The following PCBP3 variants were observed in gnomAD, a reference collection of about 807,000 sequenced individuals.
The protein encoded by PCBP3 is poly(rC) binding protein 3.
Under a neutral mutation model 52.7 loss-of-function variants are expected in PCBP3, and 25 were observed. The ratio of observed to expected loss-of-function variants is 0.47; its 90% CI spans 0.35 to 0.66. The LOEUF is 0.66. PCBP3 is among the 30% of genes least tolerant of loss of function. PCBP3 has a pLI of 0.01. For missense variants in PCBP3, 391 were observed against 490.3 expected (o/e 0.80, Z 1.91); for synonymous variants, 162 against 183.0 (o/e 0.89, Z 0.93).
intron 8 of PCBP3, 45 bp from the exon 9 acceptor site, chr21:45,900,952 A>G: frequency 1.4e-6 from 2 of 1,433,602 alleles, no homozygotes; most frequent in East Asian, 2.3e-5. Flanking sequence ...CCACTGGCCC[A>G]AGGGTTTTAA....
chr21:45,854,611 C>T (rs1018003176), intron 5 of PCBP3, among the ~76,000 whole-genome samples: 18 of 152,182 alleles, frequency 1.2e-4, no homozygotes, highest in Admixed American at 8.5e-4. Flanking sequence ...GAAAGCTGAC[C>T]GATATCCTGT....
Position 45,941,717 on chromosome 21 carries a change from C to T in PCBP3, c.*11C>T, listed in dbSNP as rs1476386628. The T allele has an allele frequency of 1.9e-6, 3 of 1,599,966 alleles. No homozygotes were observed. In the South Asian group the frequency reaches 3.4e-5, roughly 18 times the overall value. On this transcript the variant is annotated 3_prime_UTR_variant, in exon 18 of 18. Transcript: ENST00000681687. ...ATGGGCACGCTGTAATCCTACCCAGCACCCTTCCCCCGCGTCACCCACCTG... is the reference window on the plus strand; with the variant it reads ...ATGGGCACGCTGTAATCCTACCCAGTACCCTTCCCCCGCGTCACCCACCTG...
At chr21:45,854,801 T>C (rs2094203880) in intron 5 of PCBP3, among the ~76,000 whole-genome samples, 1 of 152,220 alleles carries the variant, frequency 6.6e-6, no homozygotes, top group Non-Finnish European at 1.5e-5. Context: ...TGCTCTTTGA[T>C]GAGACTGAAA....
At chr21:45,726,221 C>G (rs568619218) in intron 2 of PCBP3, among the ~76,000 whole-genome samples, 1 of 152,204 alleles carries the variant, frequency 6.6e-6, no homozygotes, top group African/African-American at 2.4e-5. Context: ...TGGTCTTGGA[C>G]TTCAGGTAAC....
chr21:45,901,030 T>C lies in PCBP3; in HGVS notation c.256T>C (p.Cys86Arg), dbSNP rs749078948. 4 of 1,613,822 alleles carry C rather than the reference T, an allele frequency of 2.5e-6. No individual in the cohort carries two copies. The highest frequency in any genetic ancestry group is 3.4e-6 in the Non-Finnish European group (4 of 1,179,844). ...GARINISEGN[C>R]PERIVTITGP... The stretch of plus-strand genomic sequence containing the variant: ...AAGGATCAACATCTCAGAGGGAAAC[T>C]GCCCAGAGAGGATTGTGACCATCAC... The change falls in exon 9 of 18, where the codon TGC becomes CGC. Residue 86 changes from cysteine (C) to arginine (R), a missense_variant. Transcript: ENST00000681687.
intron 16 of PCBP3, among the ~76,000 whole-genome samples, chr21:45,937,122 G>A (rs76405361): frequency 0.057 from 8,638 of 152,288 alleles, 673 homozygotes; most frequent in African/African-American, 0.18. Context: ...TAAAATGGGC[G>A]TGCTTGTTCT....
In PCBP3 at chr21:45,661,906, C is replaced by G. The variant is rs180913771; in HGVS notation, c.-278-6968C>G. On this transcript the variant is annotated intron_variant, in intron 1 of 17. Transcript: ENST00000681687. ...CTCTGGTGATTAGTGATGTTGAGCA[C>G]TTTTTCAAATGTTTTTTGGCCATTT... 2.6e-4 allele frequency among the ~76,000 whole-genome samples: 40 copies of G among 152,234 alleles called. 1 individual carries two copies. Among genetic ancestry groups the G allele is most frequent in the Admixed American group, 2.2e-3 (34 of 15,288 alleles).
Position 45,788,221 on chromosome 21 carries a change from G to A in PCBP3, c.-126+32769G>A, listed in dbSNP as rs1360978810. 1 of 152,636 alleles carries A rather than the reference G, an allele frequency of 6.6e-6. No homozygotes were observed. The highest frequency in any genetic ancestry group is 1.5e-5 in the Non-Finnish European group (1 of 68,366). The allele number at this position is 152,636 out of a possible 1,614,324, so 9.5% of individuals were successfully genotyped here. On this transcript the variant is annotated intron_variant, in intron 4 of 17. Coordinates refer to ENST00000681687, the MANE Select transcript of PCBP3 (RefSeq NM_001384156.1). This position sits in a 1 kb window ranked among gnomAD's most constrained non-coding sequence, Gnocchi z 4.3. The stretch of plus-strand genomic sequence containing the variant: ...GTGAGGGATGGGGAGGGTCACGCAG[G>A]GTGTGGGCGGCGTGCCTGGCATGGG...
At chr21:45,877,436 AAAG>A (rs1158240940) in intron 5 of PCBP3, among the ~76,000 whole-genome samples, 1 of 152,244 alleles carries the variant, frequency 6.6e-6, no homozygotes, top group African/African-American at 2.4e-5. Context: ...TTTTTTAAAA[AAAG>A]AGTAACTGGC....
intron 5 of PCBP3, among the ~76,000 whole-genome samples, chr21:45,862,335 G>T (rs2094543373): frequency 6.6e-6 from 1 of 151,976 alleles, no homozygotes. Context: ...CAATACCGTG[G>T]GGAATCTGCT....
chr21:45,832,483 A>C (rs575585805), intron 4 of PCBP3: 80 of 152,344 alleles, frequency 5.3e-4, no homozygotes, highest in African/African-American at 1.8e-3. Context: ...TCACTCTGCC[A>C]AACGCCTCTG....
rs973535775 is a variant in PCBP3 at position 45,755,429 on chromosome 21, G to T, written c.-149G>T. Among the ~76,000 whole-genome samples, 1 of 152,150 alleles carries T rather than the reference G, an allele frequency of 6.6e-6. No individual in the cohort carries two copies. The highest frequency in any genetic ancestry group is 2.4e-5 in the African/African-American group (1 of 41,424). On this transcript the variant is annotated 5_prime_UTR_variant, in exon 4 of 18. Transcript: ENST00000681687. ...TCATTTTTCATAGGTAAATACCTAG[G>T]AGTGGGCTTTTCTAGATCACATGGT...
At chr21:45,792,168 C>G (rs1205249305) in intron 4 of PCBP3, among the ~76,000 whole-genome samples, 2 of 152,284 alleles carry the variant, frequency 1.3e-5, no homozygotes. Context: ...ATTAATCTTA[C>G]CAACTAGAAC....
In PCBP3 at chr21:45,656,323, A is replaced by C. The variant is rs1396093617; in HGVS notation, c.-279+12455A>C. Among the ~76,000 whole-genome samples, 2 of 152,236 alleles carry C rather than the reference A, an allele frequency of 1.3e-5. No homozygotes were observed. Among genetic ancestry groups the C allele is most frequent in the East Asian group, 3.8e-4 (2 of 5,202 alleles). The stretch of plus-strand genomic sequence containing the variant: ...GAATACTATGCAGCCATAAAAAAGG[A>C]TGAGTTCATATCCTTTGCAGGGACA... On this transcript the variant is annotated intron_variant, in intron 1 of 17. Transcript: ENST00000681687. The surrounding 1 kb of genome is among the most constrained non-coding windows in gnomAD (Gnocchi z 4.3).
At chr21:45,796,083 C>T (rs2091907903) in intron 4 of PCBP3, among the ~76,000 whole-genome samples, 1 of 152,218 alleles carries the variant, frequency 6.6e-6, no homozygotes, top group East Asian at 1.9e-4. Context: ...CACTCTCACA[C>T]CACCTGACGA....
chr21:45,812,052 C>T (rs2092699772), intron 4 of PCBP3, among the ~76,000 whole-genome samples: 1 of 152,054 alleles, frequency 6.6e-6, no homozygotes, highest in Non-Finnish European at 1.5e-5. Context: ...ACAATTTTAT[C>T]ATTGTTCACT....
At chr21:45,716,807 CTT>C (rs1197434271) in intron 2 of PCBP3, among the ~76,000 whole-genome samples, 2 of 152,168 alleles carry the variant, frequency 1.3e-5, no homozygotes, top group African/African-American at 4.8e-5. Flanking sequence ...AGTCTTCTGA[CTT>C]TGTTTTTCTT....
At chr21:45,831,832 T>G (rs1194935399) in intron 4 of PCBP3, among the ~76,000 whole-genome samples, 1 of 152,186 alleles carries the variant, frequency 6.6e-6, no homozygotes, top group Non-Finnish European at 1.5e-5. Flanking sequence ...TGCCTCAGCC[T>G]CCTGAGTAGC....
At position 45,656,859 on chromosome 21, in the gene PCBP3, T is replaced by C. The variant is rs1258555546; in HGVS notation, c.-278-12015T>C. On this transcript the variant is annotated intron_variant, in intron 1 of 17. Coordinates refer to ENST00000681687, the MANE Select transcript of PCBP3 (RefSeq NM_001384156.1). This position sits in a 1 kb window ranked among gnomAD's most constrained non-coding sequence, Gnocchi z 4.3. ...TTTCTTGAGACAGAGTTTTGCTCTG[T>C]CGCCTAGGCTAGAGTGCAGTGGCGC... 6.6e-6 allele frequency among the ~76,000 whole-genome samples: 1 copy of C among 152,144 alleles called. No individual in the cohort carries two copies. Among genetic ancestry groups the C allele is most frequent in the Non-Finnish European group, 1.5e-5 (1 of 68,020 alleles).
Sources: gnomAD v4.1 joint callset for allele counts (sites outside exome capture counted in the v4.1 genomes callset) on GRCh38, gnomAD v4.1.1 for gene constraint, Gnocchi (gnomAD v3.1) non-coding constraint, MANE v1.5 for transcripts, NCBI Gene and HGNC (gene_info 2026-07-23, HGNC 2026-07-21) for gene names.